The following RNF123 variants were observed in gnomAD, a reference collection of about 807,000 sequenced individuals.
The protein encoded by RNF123 is ring finger protein 123.
A neutral mutation model predicts 168.5 loss-of-function variants in RNF123; 86 were observed. The ratio of observed to expected loss-of-function variants is 0.51; its 90% CI spans 0.43 to 0.61. RNF123 has a LOEUF of 0.61. RNF123 is among the 20% of genes least tolerant of loss of function. The pLI is 0.00. For synonymous variants in RNF123, 666 were observed against 689.1 expected, an observed-to-expected ratio of 0.97 and a Z score of 0.52; for missense variants, 1,419 against 1,729.7, an observed-to-expected ratio of 0.82 and a Z score of 3.19.
chr3:49,709,839 C>A (rs1355577303), intron 26 of RNF123, among the ~76,000 whole-genome samples: 1 of 152,188 alleles, frequency 6.6e-6, no homozygotes, highest in Non-Finnish European at 1.5e-5. Context: ...TCCCAAAGTG[C>A]TGGGATTGCA....
At chr3:49,719,520 G>C (rs773652012) in intron 35 of RNF123, 9 of 1,431,686 alleles carry the variant, frequency 6.3e-6, no homozygotes, top group Non-Finnish European at 8.6e-6. Flanking sequence ...GCAGTTCCAG[G>C]ACTCACCCTC....
chr3:49,709,101 C>T (rs1355933893), intron 26 of RNF123, among the ~76,000 whole-genome samples: 5 of 149,508 alleles, frequency 3.3e-5, no homozygotes, highest in Admixed American at 2.0e-4. Flanking sequence ...ACTACAGGTG[C>T]GCACCACCAT....
At chr3:49,711,503 C>A (rs539971107) in intron 26 of RNF123, among the ~76,000 whole-genome samples, 15 of 152,294 alleles carry the variant, frequency 9.8e-5, no homozygotes, top group African/African-American at 2.9e-4. Context: ...CCTCACCAGA[C>A]ACAGTCTTCG....
rs1011486051 is a variant in RNF123, at chr3:49,699,815, C to T, written c.984+43C>T. On this transcript the variant is annotated intron_variant, in intron 12 of 38. Transcript: ENST00000327697. The surrounding 1 kb of genome is among the most constrained non-coding windows in gnomAD (Gnocchi z 4.8). ...GGGCATGGGAGGGGAGGAGACAGGC[C>T]ATGCTAGACACGCCCGTGGTAGATG... The T allele has an allele frequency of 1.9e-6, 3 of 1,570,824 alleles. No individual in the cohort carries two copies. The highest frequency in any genetic ancestry group is 2.6e-6 in the Non-Finnish European group (3 of 1,143,454).
chr3:49,706,533 C>T (rs906686869), intron 25 of RNF123, among the ~76,000 whole-genome samples: 2 of 152,248 alleles, frequency 1.3e-5, no homozygotes, highest in Admixed American at 1.3e-4. Flanking sequence ...GCATCAGGTC[C>T]CTGGGTGCTC....
At chr3:49,698,691 T>C in intron 8 of RNF123, 64 bp from the exon 9 acceptor site, 1 of 1,586,602 alleles carries the variant, frequency 6.3e-7, no homozygotes, top group Non-Finnish European at 8.6e-7. Flanking sequence ...GAAACGCAGC[T>C]GGGGTTCAGA....
rs777143467 is a variant in RNF123, at chr3:49,700,235, G to A, written c.993G>A (p.Val331=). ...GCCTGGCCTTGGTGCAGCGCAAGGT[G>A]TATCTGGTGGAGGCTGTGCTCATGA... ...FHHFAPLLRK[V]YLVEAVLMSF... The change falls in exon 13 of 39, where the codon GTG becomes GTA. Residue 331 remains valine, a synonymous_variant. Transcript: ENST00000327697. The A allele has an allele frequency of 2.5e-6, 4 of 1,614,070 alleles. No homozygotes were observed. In the East Asian group the frequency reaches 8.9e-5, roughly 36 times the overall value.
At chr3:49,718,611 T>C (rs775415996) in intron 35 of RNF123, 15 of 1,612,886 alleles carry the variant, frequency 9.3e-6, no homozygotes, top group African/African-American at 1.3e-5. Context: ...ACAGGTGCTC[T>C]TCCGGCCGCT....
intron 19 of RNF123, 93 bp from the exon 20 acceptor site, chr3:49,702,540 G>T (rs150711622): frequency 3.1e-6 from 5 of 1,609,834 alleles, no homozygotes; most frequent in Non-Finnish European, 4.2e-6. Flanking sequence ...TTCCCTCCCT[G>T]CTTAACCCTC....
At chr3:49,713,015 C>T (rs1011165876) in intron 27 of RNF123, 2 of 685,584 alleles carry the variant, frequency 2.9e-6, no homozygotes, top group African/African-American at 3.5e-5. Context: ...AGCAGTTGGT[C>T]AGGGGCAGAA....
At chr3:49,718,939 T>TGCA in intron 35 of RNF123, 2 of 1,613,612 alleles carry the variant, frequency 1.2e-6, no homozygotes, top group Non-Finnish European at 1.7e-6. Context: ...ACCGTGCAGG[T>TGCA]GGTCGAAGGA....
At chr3:49,698,359 G>T (rs2054309908) in intron 7 of RNF123, 81 bp from the exon 8 acceptor site, 1 of 1,171,316 alleles carries the variant, frequency 8.5e-7, no homozygotes, top group Non-Finnish European at 1.3e-6. Flanking sequence ...AGAGCCATAT[G>T]CATCCAAGGC....
Position 49,720,535 on chromosome 3 carries a change from C to A in RNF123, c.3525C>A (p.Leu1175=). ...GGAGAGAGCAAGCCACATCAGTGCT[C>A]CTGGCAGATCCCTGCTTCCAGCTAC... ...ASEREQATSV[L]LADPCFQLRS... The change falls in exon 36 of 39, where the codon CTC becomes CTA. Residue 1175 remains leucine, a synonymous_variant. Coordinates refer to ENST00000327697, the MANE Select transcript of RNF123 (RefSeq NM_022064.5). 6.2e-7 allele frequency: 1 copy of A among 1,604,654 alleles called. No homozygotes were observed. Among genetic ancestry groups the A allele is most frequent in the African/African-American group, 1.3e-5 (1 of 74,912 alleles).
intron 3 of RNF123, among the ~76,000 whole-genome samples, chr3:49,692,825 A>G (rs1212828197): frequency 6.6e-6 from 1 of 152,204 alleles, no homozygotes; most frequent in African/African-American, 2.4e-5. Flanking sequence ...TTATGGCCGA[A>G]TAGTACTCCG....
At chr3:49,692,918 C>T (rs1287268103) in intron 3 of RNF123, among the ~76,000 whole-genome samples, 1 of 152,120 alleles carries the variant, frequency 6.6e-6, no homozygotes. Flanking sequence ...CTATTGTGAA[C>T]AGTGCTGCAA....
At chr3:49,714,300 C>A in intron 31 of RNF123, 126 bp downstream of exon 31, 1 of 799,024 alleles carries the variant, frequency 1.3e-6, no homozygotes, top group South Asian at 1.6e-5. Context: ...GTCCCAGACT[C>A]CCTACGTGTC....
chr3:49,697,865 C>T lies in RNF123; in HGVS notation c.343-20C>T. 6.2e-7 allele frequency: 1 copy of T among 1,614,068 alleles called. No individual in the cohort carries two copies. The highest frequency in any genetic ancestry group is 8.5e-7 in the Non-Finnish European group (1 of 1,179,990). ...TCTGTGTGCCTGGGAGCTAGCCCAC[C>T]ACCCCTCTTCTTCACCCAGGTGATT... On this transcript the variant is annotated intron_variant, in intron 5 of 38. Transcript: ENST00000327697.
chr3:49,718,620 C>T (rs2080307475), intron 35 of RNF123: 2 of 1,613,034 alleles, frequency 1.2e-6, no homozygotes, highest in Non-Finnish European at 1.7e-6. Flanking sequence ...CTTCCGGCCG[C>T]TCTAGGCCAA....
intron 1 of RNF123, among the ~76,000 whole-genome samples, chr3:49,690,808 T>G (rs1247121942): frequency 6.6e-6 from 1 of 152,232 alleles, no homozygotes; most frequent in Admixed American, 6.5e-5. Context: ...CACCTCACTT[T>G]GGACATTTTG....
Sources: gnomAD v4.1 joint callset for allele counts (sites outside exome capture counted in the v4.1 genomes callset) on GRCh38, gnomAD v4.1.1 for gene constraint, Gnocchi (gnomAD v3.1) non-coding constraint, MANE v1.5 for transcripts, NCBI Gene and HGNC (gene_info 2026-07-23, HGNC 2026-07-21) for gene names.